The following ILRUN variants were observed in gnomAD, a reference collection of about 807,000 sequenced individuals.
ILRUN encodes the protein inflammation and lipid regulator with UBA-like and NBR1-like domains, also known as protein ILRUN.
A neutral mutation model predicts 33.8 loss-of-function variants in ILRUN; 3 were observed. That is an observed-to-expected ratio of 0.09 (90% confidence interval 0.04 to 0.23). The LOEUF is 0.23. Among genes scored for constraint, ILRUN ranks in the 10% least tolerant of loss-of-function variants. The probability of loss-of-function intolerance (pLI) is 1.00; values close to 1 mark genes in which losing one functional copy is unlikely to be tolerated. For synonymous variants in ILRUN, 124 were observed against 138.9 expected (o/e 0.89, Z 0.75); for missense variants, 210 against 375.1 (o/e 0.56, Z 3.64).
chr6:34,658,827 T>C (rs992536859), intron 1 of ILRUN, among the ~76,000 whole-genome samples: 42 of 152,070 alleles, frequency 2.8e-4, no homozygotes, highest in African/African-American at 1.0e-3. Flanking sequence ...AAGACTGTGA[T>C]CTTTAGAGTC....
At position 34,646,515 on chromosome 6, in the gene ILRUN, T is replaced by C; in HGVS notation, c.511+86A>G. On this transcript the variant is annotated intron_variant, in intron 3 of 4. Transcript: ENST00000374023. The surrounding 1 kb of genome is among the most constrained non-coding windows in gnomAD (Gnocchi z 4.9). ...AAAGAGGCCATGCCCTGTTATGCAATTTGACAGGCTCTGTGAGCAACACTG... is the reference window on the plus strand; with the variant it reads ...AAAGAGGCCATGCCCTGTTATGCAACTTGACAGGCTCTGTGAGCAACACTG... 1 of 1,342,812 alleles carries C rather than the reference T, an allele frequency of 7.4e-7. No individual in the cohort carries two copies. Among genetic ancestry groups the C allele is most frequent in the East Asian group, 2.3e-5 (1 of 43,152 alleles). The allele number at this position is 1,342,812 out of a possible 1,614,324, so 83.2% of individuals were successfully genotyped here. A position where few individuals can be genotyped will look rare whatever the true frequency, so the allele number is the denominator to read the frequency against.
chr6:34,623,796 A>T (rs1380075517), intron 3 of ILRUN, among the ~76,000 whole-genome samples: 1 of 152,198 alleles, frequency 6.6e-6, no homozygotes, highest in East Asian at 1.9e-4. Context: ...ATATGCAAAT[A>T]GGAAGACAAA....
chr6:34,696,545 C>G lies in ILRUN; in HGVS notation c.59G>C (p.Gly20Ala). 6.2e-7 allele frequency: 1 copy of G among 1,613,108 alleles called. No individual in the cohort carries two copies. Among genetic ancestry groups the G allele is most frequent in the Non-Finnish European group, 8.5e-7 (1 of 1,179,800 alleles). Reference sequence around the variant, plus strand: ...GATGAGCACGTCCTTGTCGGTGGTGCCCAGGCAGCTGAACTTCTGCATCAG... The same window carrying G: ...GATGAGCACGTCCTTGTCGGTGGTGGCCAGGCAGCTGAACTTCTGCATCAG... ...PELMQKFSCL[G>A]TTDKDVLISE... is the part of the protein sequence containing the mutation. The change falls in exon 1 of 5, where the codon GGC (glycine) becomes GCC (alanine). Residue 20 changes from glycine (G) to alanine (A), a missense_variant. This residue lies in a region of ILRUN where 61 missense variants were observed against 94.4 expected (regional missense o/e 0.65). Transcript: ENST00000374023.
At chr6:34,683,463 C>CATATATAT (rs768330830) in intron 1 of ILRUN, among the ~76,000 whole-genome samples, 1 of 102,710 alleles carries the variant, frequency 9.7e-6, no homozygotes, top group African/African-American at 4.8e-5. Flanking sequence ...CATATATATA[C>CATATATAT]ATATATATAC....
At chr6:34,651,456 C>T (rs1762666548) in intron 2 of ILRUN, among the ~76,000 whole-genome samples, 1 of 151,924 alleles carries the variant, frequency 6.6e-6, no homozygotes. Flanking sequence ...TACATACCAA[C>T]CTCCCAAAGC....
At chr6:34,601,472 C>T (rs993355715) in intron 4 of ILRUN, among the ~76,000 whole-genome samples, 3 of 139,798 alleles carry the variant, frequency 2.1e-5, no homozygotes, top group African/African-American at 8.3e-5. Context: ...CACTGGTGCC[C>T]TCTTAATGCC....
At chr6:34,676,430 C>CTAGCTAGCTAGCTAGATAGATAGATA (rs1223294403) in intron 1 of ILRUN, among the ~76,000 whole-genome samples, 14 of 151,366 alleles carry the variant, frequency 9.2e-5, no homozygotes, top group South Asian at 2.1e-4. Flanking sequence ...ATAGATATAG[C>CTAGCTAGCTAGCTAGATAGATAGATA]TAGCTAGCTA....
chr6:34,639,948 G>A (rs1177019377), intron 3 of ILRUN, among the ~76,000 whole-genome samples: 1 of 152,100 alleles, frequency 6.6e-6, no homozygotes, highest in African/African-American at 2.4e-5. Context: ...TAGTAAGTAC[G>A]AGAATTTGTT....
At chr6:34,689,748 T>C (rs1398204261) in intron 1 of ILRUN, among the ~76,000 whole-genome samples, 1 of 151,702 alleles carries the variant, frequency 6.6e-6, no homozygotes. Flanking sequence ...TTTCATTTCA[T>C]TGATTTGTGG....
At chr6:34,590,653 C>T in intron 4 of ILRUN, 53 bp from the exon 5 acceptor site, 1 of 1,302,078 alleles carries the variant, frequency 7.7e-7, no homozygotes. Context: ...TGCAACTTGA[C>T]AACCAAACCA....
chr6:34,590,495 A>G lies in ILRUN; in HGVS notation c.*70T>C. 1 of 1,609,736 alleles carries G rather than the reference A, an allele frequency of 6.2e-7. No homozygotes were observed. Among genetic ancestry groups the G allele is most frequent in the Non-Finnish European group, 8.5e-7 (1 of 1,177,900 alleles). On this transcript the variant is annotated 3_prime_UTR_variant, in exon 5 of 5. Coordinates refer to ENST00000374023, the MANE Select transcript of ILRUN (RefSeq NM_024294.4). ...GCGATGTGGTCTGCAATCCAGAGGAACCCCTTGCCCTAACCCCCCAAAGTC... is the reference window on the plus strand; with the variant it reads ...GCGATGTGGTCTGCAATCCAGAGGAGCCCCTTGCCCTAACCCCCCAAAGTC...
intron 3 of ILRUN, among the ~76,000 whole-genome samples, chr6:34,635,142 C>T (rs1016317059): frequency 2.0e-5 from 3 of 152,022 alleles, no homozygotes; most frequent in Non-Finnish European, 4.4e-5. Context: ...GAAAATAAAA[C>T]GTAAAAATGA....
At chr6:34,685,610 C>G (rs1263085497) in intron 1 of ILRUN, 1 of 152,228 alleles carries the variant, frequency 6.6e-6, no homozygotes, top group African/African-American at 2.4e-5. Context: ...TCCCAAGTAG[C>G]TAAGACTACA....
chr6:34,606,531 C>T (rs1456881167), intron 4 of ILRUN, 24 bp downstream of exon 4: 3 of 1,595,694 alleles, frequency 1.9e-6, no homozygotes, highest in African/African-American at 1.3e-5. Flanking sequence ...CCACCTACCC[C>T]TTCTCTTCTC....
chr6:34,662,044 G>T (rs1762896379), intron 1 of ILRUN, among the ~76,000 whole-genome samples: 1 of 145,526 alleles, frequency 6.9e-6, no homozygotes, highest in Non-Finnish European at 1.5e-5. Flanking sequence ...AGAATGGCGT[G>T]AACCCGGGAG....
At chr6:34,626,382 C>G (rs1421167839) in intron 3 of ILRUN, among the ~76,000 whole-genome samples, 2 of 151,958 alleles carry the variant, frequency 1.3e-5, no homozygotes, top group Admixed American at 6.6e-5. Context: ...CAATATATTG[C>G]CCAGGCTGGT....
At position 34,592,088 on chromosome 6, in the gene ILRUN, T is replaced by A. The variant is rs1442170141; in HGVS notation, c.862-1488A>T. On this transcript the variant is annotated intron_variant, in intron 4 of 4. Coordinates refer to ENST00000374023, the MANE Select transcript of ILRUN (RefSeq NM_024294.4). This position sits in a 1 kb window ranked among gnomAD's most constrained non-coding sequence, Gnocchi z 4.0. ...GTGCTTCCTCCCCAATCCCTGCTTTTTGTTTTTCCATATAAAGCCTCCCAA... is the reference window on the plus strand; with the variant it reads ...GTGCTTCCTCCCCAATCCCTGCTTTATGTTTTTCCATATAAAGCCTCCCAA... Among the ~76,000 whole-genome samples the A allele has an allele frequency of 2.6e-5, 4 of 152,330 alleles. No homozygotes were observed. Among genetic ancestry groups the A allele is most frequent in the Admixed American group, 2.0e-4 (3 of 15,298 alleles).
intron 3 of ILRUN, among the ~76,000 whole-genome samples, chr6:34,627,097 C>A (rs79081285): frequency 0.03 from 4,606 of 152,170 alleles, 182 homozygotes; most frequent in African/African-American, 0.088. Flanking sequence ...CTGACAACCA[C>A]TGATGCTTTT....
intron 4 of ILRUN, among the ~76,000 whole-genome samples, chr6:34,606,105 G>C (rs1284308997): frequency 6.6e-6 from 1 of 152,154 alleles, no homozygotes. Context: ...CACCACATTT[G>C]AAAAGTCAAA....
Sources: allele counts gnomAD v4.1 joint callset (sites outside exome capture counted in the v4.1 genomes callset), GRCh38; gene constraint gnomAD v4.1.1; regional missense constraint gnomAD v4.1.1; non-coding constraint Gnocchi (gnomAD v3.1); transcripts MANE v1.5; gene names NCBI Gene and HGNC (gene_info 2026-07-23, HGNC 2026-07-21).